The following DRD2 variants were observed in gnomAD, a reference collection of about 807,000 sequenced individuals.
DRD2 encodes the protein dopamine receptor D2, also known as D(2) dopamine receptor.
Under a neutral mutation model 38.0 loss-of-function variants are expected in DRD2, and 8 were observed. The observed-to-expected ratio is 0.21, with a 90% CI of 0.12 to 0.38. DRD2 has a LOEUF of 0.38. Ranked by LOEUF, DRD2 falls within the 10% of genes least tolerant of loss-of-function variation. The pLI, the probability that DRD2 is intolerant of heterozygous loss-of-function variation, is 1.00. For synonymous variants in DRD2, 230 were observed against 238.6 expected (o/e 0.96, Z 0.33); for missense variants, 403 against 607.7 (o/e 0.66, Z 3.54).
chr11:113,450,332 C>T (rs1038083993), intron 1 of DRD2, among the ~76,000 whole-genome samples: 2 of 152,160 alleles, frequency 1.3e-5, no homozygotes, highest in African/African-American at 4.8e-5. Context: ...TTGAAGGCCT[C>T]GAAACAGCCC....
chr11:113,427,870 A>C (rs1444344776), intron 1 of DRD2, among the ~76,000 whole-genome samples: 2 of 152,192 alleles, frequency 1.3e-5, no homozygotes, highest in African/African-American at 4.8e-5. Context: ...GATTATGTTA[A>C]AATGAGACGC....
chr11:113,453,867 A>C (rs1951240423), intron 1 of DRD2, among the ~76,000 whole-genome samples: 1 of 152,268 alleles, frequency 6.6e-6, no homozygotes, highest in Admixed American at 6.5e-5. Flanking sequence ...AATGTATATT[A>C]GTCAAATAAA....
At chr11:113,434,592 A>G (rs12364051) in intron 1 of DRD2, among the ~76,000 whole-genome samples, 67,602 of 152,124 alleles carry the variant, frequency 0.44, 17,555 homozygotes, top group Non-Finnish European at 0.6. Flanking sequence ...GAAGAGGCAC[A>G]CAGATGAAAG....
chr11:113,414,217 T>G, intron 6 of DRD2, 158 bp downstream of exon 6: 1 of 771,116 alleles, frequency 1.3e-6, no homozygotes, highest in Non-Finnish European at 2.4e-6. Flanking sequence ...CATGCCTGCT[T>G]GGAGGTGTGC....
chr11:113,440,865 G>C (rs1324882318), intron 1 of DRD2, among the ~76,000 whole-genome samples: 1 of 152,150 alleles, frequency 6.6e-6, no homozygotes. Flanking sequence ...TCTTACCTTG[G>C]GGCTCCTGGG....
chr11:113,429,288 G>A (rs754883761), intron 1 of DRD2, among the ~76,000 whole-genome samples: 8 of 151,790 alleles, frequency 5.3e-5, no homozygotes, highest in African/African-American at 7.3e-5. Flanking sequence ...TCTGTCACCC[G>A]GGCTGGAGTG....
chr11:113,426,494 C>T (rs1950942658), intron 1 of DRD2, among the ~76,000 whole-genome samples: 1 of 152,218 alleles, frequency 6.6e-6, no homozygotes, highest in Non-Finnish European at 1.5e-5. Context: ...CTTCCAGGTA[C>T]TTTGCTACTG....
intron 2 of DRD2, 76 bp from the exon 3 acceptor site, chr11:113,418,212 G>C (rs1031936808): frequency 4.0e-6 from 5 of 1,235,926 alleles, no homozygotes; most frequent in Non-Finnish European, 4.7e-6. Context: ...GGTACTCCTG[G>C]AGCCGATGAG....
intron 2 of DRD2, among the ~76,000 whole-genome samples, chr11:113,421,310 T>A (rs1950881974): frequency 6.6e-6 from 1 of 152,206 alleles, no homozygotes; most frequent in Non-Finnish European, 1.5e-5. Flanking sequence ...AGGGGCCCTG[T>A]CAACCTCTGC....
chr11:113,420,645 A>G (rs537053321), intron 2 of DRD2, among the ~76,000 whole-genome samples: 40 of 152,358 alleles, frequency 2.6e-4, no homozygotes, highest in African/African-American at 7.0e-4. Context: ...AATCTGAAAC[A>G]TCACATCCCA....
Position 113,416,861 on chromosome 11 carries a change from A to G in DRD2, c.532+2T>C. 1 of 1,613,780 alleles carries G rather than the reference A, an allele frequency of 6.2e-7. No homozygotes were observed. Among genetic ancestry groups the G allele is most frequent in the Non-Finnish European group, 8.5e-7 (1 of 1,179,836 alleles). On this transcript the variant is annotated splice_donor_variant, in intron 4 of 7. Coordinates refer to ENST00000362072, the MANE Select transcript of DRD2 (RefSeq NM_000795.4). LOFTEE classifies it high-confidence loss of function. ...CCTCAGGCAAACAAAAGCAGAATGT[A>G]CCTGCGTTATTGAGTCCGAAGAGGA...
At position 113,410,829 on chromosome 11, in the gene DRD2, G is replaced by A. The variant is rs763032820; in HGVS notation, c.1230C>T (p.Ala410=). 1 of 1,614,104 alleles carries A rather than the reference G, an allele frequency of 6.2e-7. No homozygotes were observed. The highest frequency in any genetic ancestry group is 8.5e-7 in the Non-Finnish European group (1 of 1,180,046). The change falls in exon 8 of 8, where the codon GCC becomes GCT. Residue 410 remains alanine (A), a synonymous_variant. Coordinates refer to ENST00000362072, the MANE Select transcript of DRD2 (RefSeq NM_000795.4). The part of the protein sequence containing the change: ...DCNIPPVLYS[A]FTWLGYVNSA... ...TGTTGACATAGCCCAGCCACGTGAA[G>A]GCGCTGTACAGGACAGGCGGGATGT...
intron 1 of DRD2, among the ~76,000 whole-genome samples, chr11:113,450,810 A>C (rs1951203781): frequency 6.6e-6 from 1 of 152,190 alleles, no homozygotes; most frequent in Non-Finnish European, 1.5e-5. Context: ...CCTGCCAAAA[A>C]TTTACATTGT....
intron 1 of DRD2, among the ~76,000 whole-genome samples, chr11:113,471,446 C>T (rs1951424980): frequency 6.6e-6 from 1 of 152,168 alleles, no homozygotes; most frequent in Non-Finnish European, 1.5e-5. Context: ...AAGGTCCTTC[C>T]AAGGCCACAA....
rs750801533 is a variant in DRD2 at position 113,418,032 on chromosome 11, G to A, written c.390C>T (p.Ile130=). 46 of 1,613,910 alleles carry A rather than the reference G, an allele frequency of 2.9e-5. No homozygotes were observed. In the Admixed American group the frequency reaches 4.8e-4, roughly 17 times the overall value. ...TCCACCCTGGCTGGGCTCACCTGTC[G>A]ATGCTGATGGCACACAAGTTCAGGA... ...ASILNLCAIS[I]DRYTAVAMPM... is the part of the protein sequence containing the mutation. Residue 130 remains isoleucine, a synonymous_variant, in exon 3 of 8, where the codon ATC becomes ATT. Coordinates refer to ENST00000362072, the MANE Select transcript of DRD2 (RefSeq NM_000795.4).
At chr11:113,452,467 T>TGTGCGCGCGC (rs1555167765) in intron 1 of DRD2, among the ~76,000 whole-genome samples, 4 of 91,084 alleles carry the variant, frequency 4.4e-5, no homozygotes, top group African/African-American at 1.6e-4. Context: ...TGTGTGTGTG[T>TGTGCGCGCGC]GTGCGCGCGC....
intron 2 of DRD2, among the ~76,000 whole-genome samples, chr11:113,420,265 C>T (rs1383087108): frequency 1.6e-4 from 24 of 152,210 alleles, no homozygotes. Flanking sequence ...TTACTGTGTT[C>T]CAGCCTCTAT....
intron 1 of DRD2, among the ~76,000 whole-genome samples, chr11:113,446,944 T>C (rs552835564): frequency 1.1e-4 from 17 of 152,342 alleles, no homozygotes; most frequent in Middle Eastern, 3.4e-3. Context: ...TGATGGCTGA[T>C]AGGACAGAAT....
chr11:113,410,946 G>T, intron 7 of DRD2, 26 bp from the exon 8 acceptor site: 1 of 1,595,968 alleles, frequency 6.3e-7, no homozygotes, highest in Non-Finnish European at 8.6e-7. Context: ...TGGTCAGGCT[G>T]GTCCCCAGAG....
Sources: allele counts gnomAD v4.1 joint callset (sites outside exome capture counted in the v4.1 genomes callset), GRCh38; gene constraint gnomAD v4.1.1; transcripts MANE v1.5; gene names NCBI Gene and HGNC (gene_info 2026-07-23, HGNC 2026-07-21).